Variants in FGF12 observed in about 807,000 individuals in gnomAD.
FGF12 encodes fibroblast growth factor 12B.
In FGF12, 14 loss-of-function variants were observed where a neutral mutation model predicts 23.6. The ratio of observed to expected loss-of-function variants is 0.59; its 90% CI spans 0.39 to 0.93. FGF12 has a LOEUF of 0.93. Ranked by LOEUF, FGF12 falls within the 40% of genes least tolerant of loss-of-function variation. The probability of loss-of-function intolerance (pLI) is 0.00; values close to 1 mark genes in which losing one functional copy is unlikely to be tolerated. For synonymous variants in FGF12, 62 were observed against 77.3 expected (o/e 0.80, Z 1.04); for missense variants, 175 against 217.8 (o/e 0.80, Z 1.24).
chr3:192,211,050 T>C lies in FGF12; in HGVS notation c.229-40394A>G, dbSNP rs146773118. Among the ~76,000 whole-genome samples the C allele has an allele frequency of 1.1e-3, 175 of 152,290 alleles. 2 individuals carry two copies. Among genetic ancestry groups the C allele is most frequent in the African/African-American group, 4.0e-3 (166 of 41,572 alleles). ...TCATATCTCGAAAGGATACTCTTCC[T>C]GTTGTTTGGATTAGGCTCCAAGGGT... On this transcript the variant is annotated intron_variant, in intron 4 of 5. Coordinates refer to ENST00000445105, the MANE Select transcript of FGF12 (RefSeq NM_004113.6).
intron 2 of FGF12, among the ~76,000 whole-genome samples, chr3:192,507,379 A>T (rs1047025326): frequency 1.1e-4 from 15 of 133,182 alleles, no homozygotes; most frequent in Admixed American, 2.2e-4. Context: ...ACACACACAC[A>T]CATACAAGCA....
chr3:192,652,480 G>A (rs901375828), intron 2 of FGF12, among the ~76,000 whole-genome samples: 2 of 152,188 alleles, frequency 1.3e-5, no homozygotes, highest in African/African-American at 4.8e-5. Flanking sequence ...AGGCAGCAAA[G>A]TAAAATATCC....
intron 2 of FGF12, among the ~76,000 whole-genome samples, chr3:192,693,633 G>A (rs1718014883): frequency 6.6e-6 from 1 of 151,992 alleles, no homozygotes; most frequent in South Asian, 2.1e-4. Context: ...TTTCTGAAAG[G>A]GGAAGAAAAT....
At chr3:192,590,763 G>C (rs1447130946) in intron 2 of FGF12, among the ~76,000 whole-genome samples, 11 of 151,764 alleles carry the variant, frequency 7.2e-5, no homozygotes. Flanking sequence ...TATGGATTTT[G>C]TGAAATACAG....
rs547797979 is a variant in FGF12, at chr3:192,583,362, C to T, written c.13+143819G>A. The stretch of plus-strand genomic sequence containing the variant: ...ATAGTTTATACTTTTCAAGCATCTT[C>T]ACAATATGATGTTCTTCCTTTTCTA... On this transcript the variant is annotated intron_variant, in intron 2 of 5. Coordinates refer to ENST00000445105, the MANE Select transcript of FGF12 (RefSeq NM_004113.6). Among the ~76,000 whole-genome samples the T allele has an allele frequency of 3.3e-5, 5 of 152,300 alleles. No homozygotes were observed. The South Asian group carries it at 6.2e-4, about 19-fold the overall frequency.
intron 4 of FGF12, among the ~76,000 whole-genome samples, chr3:192,217,401 C>T (rs1010490721): frequency 6.6e-6 from 1 of 152,136 alleles, no homozygotes; most frequent in African/African-American, 2.4e-5. Context: ...CAGCCGGTAA[C>T]CAAATTCAAG....
At chr3:192,340,275 T>C (rs1163015141) in intron 3 of FGF12, among the ~76,000 whole-genome samples, 2 of 152,138 alleles carry the variant, frequency 1.3e-5, no homozygotes, top group Admixed American at 6.6e-5. Flanking sequence ...TCACAATTTA[T>C]AGTTTTATTC....
intron 2 of FGF12, among the ~76,000 whole-genome samples, chr3:192,558,841 C>T (rs529881526): frequency 2.0e-4 from 30 of 151,886 alleles, no homozygotes; most frequent in African/African-American, 6.7e-4. Flanking sequence ...GCCAAGACTA[C>T]AAAATGGAGA....
intron 3 of FGF12, among the ~76,000 whole-genome samples, chr3:192,357,090 G>A (rs879244432): frequency 2.6e-5 from 4 of 152,118 alleles, no homozygotes; most frequent in Admixed American, 1.3e-4. Flanking sequence ...ATGTTGTTAC[G>A]TAACATGGTA....
At chr3:192,305,436 C>T (rs1327389451) in intron 4 of FGF12, among the ~76,000 whole-genome samples, 2 of 151,654 alleles carry the variant, frequency 1.3e-5, no homozygotes, top group Admixed American at 6.6e-5. Flanking sequence ...CTCTATATAC[C>T]TCCCACTCCT....
At chr3:192,304,590 C>A (rs148961244) in intron 4 of FGF12, among the ~76,000 whole-genome samples, 3 of 152,140 alleles carry the variant, frequency 2.0e-5, no homozygotes, top group African/African-American at 7.2e-5. Context: ...CACTTGCTTG[C>A]GGTAATATTT....
At chr3:192,502,554 G>A (rs748177005) in intron 2 of FGF12, among the ~76,000 whole-genome samples, 6 of 152,200 alleles carry the variant, frequency 3.9e-5, no homozygotes, top group Non-Finnish European at 8.8e-5. Context: ...ACATAGAAAT[G>A]TACAGATAAC....
intron 2 of FGF12, among the ~76,000 whole-genome samples, chr3:192,397,730 T>C (rs1720584407): frequency 6.6e-6 from 1 of 152,222 alleles, no homozygotes; most frequent in Non-Finnish European, 1.5e-5. Context: ...GTATATTGTG[T>C]AGACAGCTAG....
chr3:192,273,453 TC>T (rs1325461411), intron 4 of FGF12, among the ~76,000 whole-genome samples: 51 of 152,102 alleles, frequency 3.4e-4, no homozygotes, highest in African/African-American at 1.2e-3. Flanking sequence ...ACATAGGGCC[TC>T]TAAGAGAGTC....
chr3:192,497,753 G>T (rs891046086), intron 2 of FGF12, among the ~76,000 whole-genome samples: 2 of 152,150 alleles, frequency 1.3e-5, no homozygotes, highest in African/African-American at 4.8e-5. Context: ...TTCCCTAGGA[G>T]AAAACTGCTC....
chr3:192,389,348 T>C (rs1720195124), intron 2 of FGF12, among the ~76,000 whole-genome samples: 1 of 152,048 alleles, frequency 6.6e-6, no homozygotes, highest in African/African-American at 2.4e-5. Flanking sequence ...GGCTACAGAG[T>C]GAGACTCCAT....
chr3:192,615,857 A>G (rs936148322), intron 2 of FGF12, among the ~76,000 whole-genome samples: 13 of 152,058 alleles, frequency 8.5e-5, no homozygotes, highest in African/African-American at 2.9e-4. Flanking sequence ...GACATTGCAT[A>G]GAGTCAATAA....
intron 2 of FGF12, among the ~76,000 whole-genome samples, chr3:192,462,613 C>T (rs999503948): frequency 6.6e-6 from 1 of 152,024 alleles, no homozygotes; most frequent in Non-Finnish European, 1.5e-5. Flanking sequence ...TTATAAACAA[C>T]AGAAAATAGA....
chr3:192,425,538 T>C (rs1721665340), intron 2 of FGF12, among the ~76,000 whole-genome samples: 1 of 152,222 alleles, frequency 6.6e-6, no homozygotes, highest in Admixed American at 6.5e-5. Flanking sequence ...ATTTCTCATA[T>C]GTCAAACTCA....
Sources: allele counts gnomAD v4.1 joint callset (sites outside exome capture counted in the v4.1 genomes callset), GRCh38; gene constraint gnomAD v4.1.1; transcripts MANE v1.5; gene names NCBI Gene and HGNC (gene_info 2026-07-23, HGNC 2026-07-21).